The following SMG1 variants were observed in gnomAD, a reference collection of about 807,000 sequenced individuals.
The protein encoded by SMG1 is SMG1 nonsense mediated mRNA decay associated PI3K related kinase, also known as serine/threonine-protein kinase SMG1.
SMG1 carries 22 observed loss-of-function variants against 419.9 expected under a neutral mutation model. The observed-to-expected ratio is 0.05, with a 90% CI of 0.04 to 0.07. SMG1 has a LOEUF of 0.07. Ranked by LOEUF, SMG1 falls within the 10% of genes least tolerant of loss-of-function variation. The pLI is 1.00. For synonymous variants in SMG1, 1,538 were observed against 1,553.5 expected (o/e 0.99, Z 0.23); for missense variants, 3,185 against 4,342.0 (o/e 0.73, Z 7.49).
In SMG1 at chr16:18,852,362, G is replaced by A. The variant is rs745710008; in HGVS notation, c.4869C>T (p.Ala1623=). The change falls in exon 32 of 63, where the codon GCC becomes GCT. Residue 1623 remains alanine, a synonymous_variant. Coordinates refer to ENST00000446231, the MANE Select transcript of SMG1 (RefSeq NM_015092.5). ...PEVAKSWAAL[A]SWAYRWGRKV... ...TTCTGCCCCACCTATAAGCCCAGCT[G>A]GCCAACGCTGCCCAAGATTTGGCTA... is the stretch of plus-strand genomic sequence containing the variant. The A allele has an allele frequency of 1.1e-5, 17 of 1,613,742 alleles. No individual in the cohort carries two copies. Among genetic ancestry groups the A allele is most frequent in the Non-Finnish European group, 1.4e-5 (16 of 1,179,814 alleles).
In SMG1 at chr16:18,819,573, G is replaced by C. The variant is rs763731074; in HGVS notation, c.9823C>G (p.Leu3275Val). Residue 3275 changes from leucine to valine, a missense_variant, in exon 56 of 63, where the codon CTA becomes GTA. By Grantham distance (32) the Leu-to-Val change is conservative (BLOSUM62 1). This residue lies in a region of SMG1 where 737 missense variants were observed against 846.6 expected (regional missense o/e 0.87). Transcript: ENST00000446231. Reference protein sequence around the residue: ...GGANPALAPVLQDFEATIAER... With the variant: ...GGANPALAPVVQDFEATIAER... ...GCTATCGTTGCTTCAAAATCTTGTA[G>C]TACAGGGGCCAATGCAGGGTTGGCA... The C allele has an allele frequency of 1.9e-6, 3 of 1,601,922 alleles. No homozygotes were observed. The highest frequency in any genetic ancestry group is 2.2e-5 in the South Asian group (2 of 88,910).
At chr16:18,862,069 A>G (rs1215695166) in intron 25 of SMG1, among the ~76,000 whole-genome samples, 2 of 152,182 alleles carry the variant, frequency 1.3e-5, no homozygotes, top group African/African-American at 4.8e-5. Context: ...CGACTTCAAG[A>G]AAAACTCACT....
chr16:18,864,488 G>C (rs1456057457), intron 23 of SMG1, among the ~76,000 whole-genome samples: 1 of 151,860 alleles, frequency 6.6e-6, no homozygotes, highest in Non-Finnish European at 1.5e-5. Flanking sequence ...ATGAGCCACC[G>C]CGCCTGGCCT....
chr16:18,841,148 C>A (rs555700414), intron 41 of SMG1, among the ~76,000 whole-genome samples: 1 of 152,160 alleles, frequency 6.6e-6, no homozygotes, highest in South Asian at 2.1e-4. Context: ...GCCTGTAATC[C>A]CAGCATTTTG....
chr16:18,924,318 G>A (rs1330243819), intron 1 of SMG1, among the ~76,000 whole-genome samples: 1 of 152,160 alleles, frequency 6.6e-6, no homozygotes, highest in Non-Finnish European at 1.5e-5. Context: ...CCTAGCACGT[G>A]GCTGCGACTC....
chr16:18,886,734 G>A (rs1287694230), intron 6 of SMG1, among the ~76,000 whole-genome samples: 2 of 152,064 alleles, frequency 1.3e-5, no homozygotes, highest in African/African-American at 4.8e-5. Flanking sequence ...CCTGGGAGGC[G>A]GAGGTTGCAG....
intron 1 of SMG1, among the ~76,000 whole-genome samples, chr16:18,906,939 T>C (rs1282772555): frequency 6.6e-6 from 1 of 152,258 alleles, no homozygotes; most frequent in Non-Finnish European, 1.5e-5. Flanking sequence ...AGTTTTGCCC[T>C]GCACACAGGT....
intron 58 of SMG1, 109 bp from the exon 59 acceptor site, chr16:18,815,760 T>A: frequency 2.3e-6 from 2 of 862,924 alleles, no homozygotes; most frequent in African/African-American, 1.7e-5. Context: ...TGAGTGTGTT[T>A]AAACTGCTTA....
chr16:18,888,164 C>CAAAAAAA (rs991748168), intron 6 of SMG1, among the ~76,000 whole-genome samples: 21 of 41,160 alleles, frequency 5.1e-4, no homozygotes, highest in South Asian at 1.1e-3. Context: ...GACTCTGCAT[C>CAAAAAAA]AAAAAAAAAA....
rs559553267 is a variant in SMG1, at chr16:18,857,157, A to C, written c.4234+1013T>G. The C allele has an allele frequency of 1.2e-3, 188 of 152,252 alleles. 1 individual carries two copies. Among genetic ancestry groups the C allele is most frequent in the African/African-American group, 4.4e-3 (182 of 41,550 alleles). The allele number at this position is 152,252 out of a possible 1,614,324, so 9.4% of individuals were successfully genotyped here. ...AGTTGAGTCACAGCTTCAAGTAACC[A>C]CTCTGCAGTGGTCCCTATCTTGGCT... On this transcript the variant is annotated intron_variant, in intron 29 of 62. Transcript: ENST00000446231.
At chr16:18,830,661 G>C (rs1325584414) in intron 51 of SMG1, among the ~76,000 whole-genome samples, 1 of 152,116 alleles carries the variant, frequency 6.6e-6, no homozygotes, top group Non-Finnish European at 1.5e-5. Flanking sequence ...GTGATGGTGG[G>C]CACCTGTAGT....
At chr16:18,846,131 T>TA (rs1163687079) in intron 38 of SMG1, among the ~76,000 whole-genome samples, 3 of 151,978 alleles carry the variant, frequency 2.0e-5, no homozygotes, top group Admixed American at 6.6e-5. Context: ...TTTTGTTTTT[T>TA]AAAAAAATGC....
intron 55 of SMG1, 90 bp from the exon 56 acceptor site, chr16:18,819,744 A>G (rs2032346704): frequency 1.5e-6 from 2 of 1,300,554 alleles, no homozygotes; most frequent in South Asian, 1.7e-5. Flanking sequence ...TAAAGATTCA[A>G]AAGAACCAGG....
intron 6 of SMG1, among the ~76,000 whole-genome samples, chr16:18,887,555 T>C (rs1258134776): frequency 8.5e-6 from 1 of 118,098 alleles, no homozygotes; most frequent in Non-Finnish European, 1.7e-5. Flanking sequence ...GGTTTCACCA[T>C]GTTGCCCAGG....
chr16:18,827,584 T>C (rs1055964255), intron 55 of SMG1, among the ~76,000 whole-genome samples: 9 of 141,798 alleles, frequency 6.3e-5, no homozygotes, highest in African/African-American at 2.3e-4. Flanking sequence ...CCAAAATATA[T>C]ATTTTTAGAT....
intron 55 of SMG1, among the ~76,000 whole-genome samples, chr16:18,820,761 G>A (rs1418680441): frequency 6.6e-6 from 1 of 152,076 alleles, no homozygotes; most frequent in Admixed American, 6.5e-5. Context: ...AAATGACTGA[G>A]CTCCAAAAAA....
intron 19 of SMG1, among the ~76,000 whole-genome samples, 169 bp downstream of exon 19, chr16:18,869,685 A>G (rs2035707387): frequency 6.6e-6 from 1 of 152,142 alleles, no homozygotes; most frequent in Non-Finnish European, 1.5e-5. Context: ...TACAGATGCT[A>G]TCTTCAAAGC....
intron 1 of SMG1, among the ~76,000 whole-genome samples, chr16:18,911,092 AC>A (rs1207508420): frequency 6.6e-6 from 1 of 152,230 alleles, no homozygotes; most frequent in Non-Finnish European, 1.5e-5. Flanking sequence ...TCAACTAGTA[AC>A]AAATTCTTAA....
At chr16:18,887,609 C>T (rs1171549906) in intron 6 of SMG1, among the ~76,000 whole-genome samples, 3 of 134,964 alleles carry the variant, frequency 2.2e-5, no homozygotes, top group African/African-American at 8.4e-5. Flanking sequence ...CAGCCTCAGC[C>T]TCCCACAGTG....
Sources: allele counts gnomAD v4.1 joint callset (sites outside exome capture counted in the v4.1 genomes callset), GRCh38; gene constraint gnomAD v4.1.1; regional missense constraint gnomAD v4.1.1; transcripts MANE v1.5; gene names NCBI Gene and HGNC (gene_info 2026-07-23, HGNC 2026-07-21).